Variants in THRB observed in about 807,000 individuals in gnomAD.
THRB encodes the protein thyroid hormone receptor beta, also known as nuclear receptor subfamily 1 group A member 2.
THRB carries 12 observed loss-of-function variants against 47.8 expected under a neutral mutation model. That is an observed-to-expected ratio of 0.25 (90% confidence interval 0.16 to 0.41). The LOEUF is 0.41. Ranked by LOEUF, THRB falls within the 10% of genes least tolerant of loss-of-function variation. The pLI is 1.00. For synonymous variants in THRB, 218 were observed against 212.2 expected (o/e 1.03, Z -0.24); for missense variants, 348 against 589.2 (o/e 0.59, Z 4.24).
At chr3:24,235,355 C>A (rs1359915752) in intron 3 of THRB, among the ~76,000 whole-genome samples, 1 of 152,140 alleles carries the variant, frequency 6.6e-6, no homozygotes, top group Non-Finnish European at 1.5e-5. Context: ...AATCTTTCCA[C>A]GTAGACCTGG....
At chr3:24,413,672 CTCA>C (rs2068508072) in intron 1 of THRB, among the ~76,000 whole-genome samples, 1 of 151,644 alleles carries the variant, frequency 6.6e-6, no homozygotes, top group Non-Finnish European at 1.5e-5. Context: ...CACCCATTAA[CTCA>C]TCATTTACAT....
chr3:24,318,607 T>C (rs1321689995), intron 2 of THRB: 3 of 152,232 alleles, frequency 2.0e-5, no homozygotes, highest in Non-Finnish European at 4.4e-5. Flanking sequence ...AGGGGGACTG[T>C]GTCTATTTCC....
At chr3:24,450,756 T>C (rs1447919149) in intron 1 of THRB, among the ~76,000 whole-genome samples, 1 of 152,170 alleles carries the variant, frequency 6.6e-6, no homozygotes, top group Non-Finnish European at 1.5e-5. Context: ...AGAGAGAGAT[T>C]AAGGTGCATA....
At chr3:24,242,571 G>C (rs1216397539) in intron 3 of THRB, among the ~76,000 whole-genome samples, 2 of 152,056 alleles carry the variant, frequency 1.3e-5, no homozygotes, top group Non-Finnish European at 2.9e-5. Flanking sequence ...ATTTGGCTTG[G>C]GCAAGGACAG....
At chr3:24,406,697 A>C (rs1447209957) in intron 1 of THRB, among the ~76,000 whole-genome samples, 2 of 151,912 alleles carry the variant, frequency 1.3e-5, no homozygotes, top group Non-Finnish European at 2.9e-5. Context: ...TACTTAGGCA[A>C]ATTATAAATA....
At chr3:24,439,035 G>C (rs1018967432) in intron 1 of THRB, among the ~76,000 whole-genome samples, 1 of 152,164 alleles carries the variant, frequency 6.6e-6, no homozygotes, top group Non-Finnish European at 1.5e-5. Context: ...CCCACAGGGA[G>C]CTCTGGGGTG....
rs1237109991 is a variant in THRB at position 24,393,013 on chromosome 3, T to C, written c.-260-55642A>G. Reference sequence around the variant, plus strand: ...CTTTTTCATGCTTACTTGTTTGTAGTTTTCAAATGTGTTGTTCCCAATTTT... The same window carrying C: ...CTTTTTCATGCTTACTTGTTTGTAGCTTTCAAATGTGTTGTTCCCAATTTT... On this transcript the variant is annotated intron_variant, in intron 1 of 10. Transcript: ENST00000646209. 3.3e-5 allele frequency among the ~76,000 whole-genome samples: 5 copies of C among 152,270 alleles called. No homozygotes were observed. In the East Asian group the frequency reaches 9.7e-4, roughly 29 times the overall value.
At position 24,158,452 on chromosome 3, in the gene THRB, G is replaced by A. The variant is rs956128785; in HGVS notation, c.284-5962C>T. On this transcript the variant is annotated intron_variant, in intron 5 of 10. Transcript: ENST00000646209. The stretch of plus-strand genomic sequence containing the variant: ...TTTTTTTGGGGGGAGGGTGGGGGAC[G>A]AGTTTCACTCTTGTTGACCAGGCTG... 1.5e-4 allele frequency among the ~76,000 whole-genome samples: 22 copies of A among 148,816 alleles called. 1 individual carries two copies. The highest frequency in any genetic ancestry group is 4.1e-4 in the African/African-American group (16 of 39,462).
chr3:24,207,538 A>G (rs4858588), intron 4 of THRB, among the ~76,000 whole-genome samples: 21,790 of 152,078 alleles, frequency 0.14, 4,539 homozygotes, highest in African/African-American at 0.46. Context: ...GGCGAGAGAC[A>G]TCATCATCTT....
chr3:24,235,535 A>G (rs1000876829), intron 3 of THRB, among the ~76,000 whole-genome samples: 1 of 152,226 alleles, frequency 6.6e-6, no homozygotes, highest in Admixed American at 6.5e-5. Flanking sequence ...ATCAGATGAT[A>G]AGATTTAACA....
At chr3:24,201,123 AT>A (rs879645895) in intron 4 of THRB, among the ~76,000 whole-genome samples, 344 of 147,114 alleles carry the variant, frequency 2.3e-3, no homozygotes, top group Middle Eastern at 7.0e-3. Context: ...CTATTCTATG[AT>A]TTTTTTTTTT....
At chr3:24,455,334 T>C (rs2073065848) in intron 1 of THRB, 1 of 152,082 alleles carries the variant, frequency 6.6e-6, no homozygotes, top group African/African-American at 2.4e-5. Flanking sequence ...CACTCCTAGA[T>C]AATATGCCTT....
At chr3:24,147,605 G>A (rs2036263925) in intron 6 of THRB, among the ~76,000 whole-genome samples, 1 of 152,148 alleles carries the variant, frequency 6.6e-6, no homozygotes, top group African/African-American at 2.4e-5. Flanking sequence ...CTAGGTTTGG[G>A]TGACTTAGGT....
At chr3:24,254,504 TAGAGTA>T (rs2051039209) in intron 3 of THRB, among the ~76,000 whole-genome samples, 1 of 152,122 alleles carries the variant, frequency 6.6e-6, no homozygotes, top group African/African-American at 2.4e-5. Context: ...TGCAAATATT[TAGAGTA>T]AGAACAGTGT....
chr3:24,238,284 G>GTGTGT, intron 3 of THRB, among the ~76,000 whole-genome samples: 1 of 135,964 alleles, frequency 7.4e-6, no homozygotes, highest in East Asian at 2.2e-4. Flanking sequence ...TGTGTGGGGG[G>GTGTGT]GGGGGGGGTG....
chr3:24,345,997 A>G (rs2062991337), intron 1 of THRB, among the ~76,000 whole-genome samples: 2 of 151,996 alleles, frequency 1.3e-5, no homozygotes. Context: ...GACCAAAACT[A>G]AAAGAATATT....
intron 1 of THRB, among the ~76,000 whole-genome samples, chr3:24,354,902 A>C (rs1325855279): frequency 6.6e-6 from 1 of 152,118 alleles, no homozygotes; most frequent in African/African-American, 2.4e-5. Context: ...CACATGAGTA[A>C]ACAAACAAAC....
intron 4 of THRB, among the ~76,000 whole-genome samples, chr3:24,228,299 C>T (rs910412952): frequency 6.6e-6 from 1 of 152,152 alleles, no homozygotes; most frequent in Non-Finnish European, 1.5e-5. Flanking sequence ...GTCATTCTGC[C>T]TCTCCTTTGA....
At chr3:24,439,240 C>A (rs984989939) in intron 1 of THRB, among the ~76,000 whole-genome samples, 1 of 152,060 alleles carries the variant, frequency 6.6e-6, no homozygotes, top group African/African-American at 2.4e-5. Flanking sequence ...GAGGGTGGTG[C>A]AGATAAGAGG....
Sources: allele counts gnomAD v4.1 joint callset (sites outside exome capture counted in the v4.1 genomes callset), GRCh38; gene constraint gnomAD v4.1.1; transcripts MANE v1.5; gene names NCBI Gene and HGNC (gene_info 2026-07-23, HGNC 2026-07-21).